The following LINGO2 variants were observed in gnomAD, a reference collection of about 807,000 sequenced individuals.
LINGO2 encodes leucine rich repeat and Ig domain containing 2.
LINGO2 carries 14 observed loss-of-function variants against 30.6 expected under a neutral mutation model. The observed-to-expected ratio is 0.46, with a 90% CI of 0.30 to 0.72. The LOEUF (loss-of-function observed/expected upper bound fraction) is 0.72. Ranked by LOEUF, LINGO2 falls within the 30% of genes least tolerant of loss-of-function variation. LINGO2 has a pLI of 0.07. For missense variants in LINGO2, 729 were observed against 751.7 expected (o/e 0.97, Z 0.35); for synonymous variants, 317 against 288.5 (o/e 1.10, Z -1.00).
At chr9:28,326,070 G>C (rs112897102) in intron 3 of LINGO2, among the ~76,000 whole-genome samples, 58 of 152,250 alleles carry the variant, frequency 3.8e-4, no homozygotes, top group Non-Finnish European at 8.2e-4. Flanking sequence ...GCAGTGGCGT[G>C]ATCTTGGCTC....
intron 4 of LINGO2, among the ~76,000 whole-genome samples, chr9:28,110,469 T>C (rs914325772): frequency 2.6e-5 from 4 of 152,158 alleles, no homozygotes; most frequent in Non-Finnish European, 5.9e-5. Context: ...ACCTACAGAA[T>C]GGGATAAAAG....
At chr9:29,063,406 CTTTTTTT>C in the LINGO2 span, among the ~76,000 whole-genome samples, 21 of 142,754 alleles carry the variant, frequency 1.5e-4, no homozygotes, top group Admixed American at 1.5e-3. Context: ...CTATTTACAC[CTTTTTTT>C]TTTTTTTTGA....
intron 1 of LINGO2, among the ~76,000 whole-genome samples, chr9:28,605,585 C>T (rs1173722111): frequency 6.6e-6 from 1 of 152,006 alleles, no homozygotes; most frequent in Non-Finnish European, 1.5e-5. Flanking sequence ...TCTTGTAACA[C>T]CAAGTAACAA....
At chr9:28,588,459 C>T (rs988611399) in intron 1 of LINGO2, among the ~76,000 whole-genome samples, 4 of 151,824 alleles carry the variant, frequency 2.6e-5, no homozygotes, top group Non-Finnish European at 1.5e-5. Flanking sequence ...AATTATAAGA[C>T]ATGAAGTCCT....
At chr9:28,788,294 GA>G in the LINGO2 span, among the ~76,000 whole-genome samples, 8 of 152,300 alleles carry the variant, frequency 5.3e-5, no homozygotes, top group African/African-American at 1.4e-4. Flanking sequence ...AACTGTGTCA[GA>G]AGGGTTTCAG....
the LINGO2 span, among the ~76,000 whole-genome samples, chr9:29,021,668 G>T: frequency 7.7e-6 from 1 of 129,512 alleles, no homozygotes; most frequent in Non-Finnish European, 1.6e-5. Flanking sequence ...AAAAAAGAAA[G>T]AAGAAAGAAA....
intron 1 of LINGO2, among the ~76,000 whole-genome samples, chr9:28,617,027 C>T (rs1826159928): frequency 6.6e-6 from 1 of 152,050 alleles, no homozygotes; most frequent in South Asian, 2.1e-4. Flanking sequence ...TTTATGGCAA[C>T]AAAGTATTTA....
chr9:28,046,125 C>G (rs1824410922), intron 4 of LINGO2, among the ~76,000 whole-genome samples: 1 of 152,122 alleles, frequency 6.6e-6, no homozygotes, highest in African/African-American at 2.4e-5. Context: ...CATTATGAAG[C>G]CATTTATTGG....
intron 2 of LINGO2, among the ~76,000 whole-genome samples, chr9:28,449,216 G>C (rs1564206138): frequency 6.6e-6 from 1 of 152,014 alleles, no homozygotes; most frequent in Non-Finnish European, 1.5e-5. Context: ...TGCACTAGCT[G>C]TCTCCACTGT....
intron 1 of LINGO2, among the ~76,000 whole-genome samples, chr9:28,484,968 C>T (rs1427269743): frequency 6.6e-6 from 1 of 152,080 alleles, no homozygotes; most frequent in African/African-American, 2.4e-5. Context: ...ACATCTAGGT[C>T]ATGACTCTCC....
intron 1 of LINGO2, among the ~76,000 whole-genome samples, chr9:28,621,551 A>G (rs1005167956): frequency 6.6e-6 from 1 of 151,968 alleles, no homozygotes; most frequent in Admixed American, 6.6e-5. Flanking sequence ...ATATAAATAG[A>G]ATATACTCAT....
chr9:28,519,375 C>G (rs892253841), intron 1 of LINGO2, among the ~76,000 whole-genome samples: 2 of 152,042 alleles, frequency 1.3e-5, no homozygotes, highest in Non-Finnish European at 2.9e-5. Flanking sequence ...GTCTTCATCT[C>G]TTAAATAAGT....
chr9:28,921,934 C>G, the LINGO2 span, among the ~76,000 whole-genome samples: 3 of 152,140 alleles, frequency 2.0e-5, no homozygotes, highest in Non-Finnish European at 2.9e-5. Context: ...TGCTGCACAC[C>G]TTAGCTAAAA....
chr9:29,024,491 T>C, the LINGO2 span, among the ~76,000 whole-genome samples: 1 of 152,134 alleles, frequency 6.6e-6, no homozygotes, highest in African/African-American at 2.4e-5. Flanking sequence ...CCATTCAAGT[T>C]ACTGCTAATT....
At chr9:28,689,675 A>G in the LINGO2 span, among the ~76,000 whole-genome samples, 2 of 152,126 alleles carry the variant, frequency 1.3e-5, no homozygotes, top group East Asian at 3.9e-4. Context: ...AGAGGTAGAA[A>G]TGTCATCTGA....
At position 28,043,179 on chromosome 9, in the gene LINGO2, T is replaced by C. The variant is rs186531385; in HGVS notation, c.-86-30774A>G. 2.0e-5 allele frequency among the ~76,000 whole-genome samples: 3 copies of C among 152,122 alleles called. No individual in the cohort carries two copies. The East Asian group carries it at 5.8e-4, about 30-fold the overall frequency. The stretch of plus-strand genomic sequence containing the variant: ...TGTGTGCCTCCTCGGCATTTGAAGC[T>C]AGCACTAATTTTCAAATTTCCGTCC... On this transcript the variant is annotated intron_variant, in intron 4 of 5. Coordinates refer to ENST00000379992, the Ensembl canonical transcript of LINGO2.
At chr9:28,377,091 T>G (rs79496035) in intron 2 of LINGO2, among the ~76,000 whole-genome samples, 4,753 of 151,238 alleles carry the variant, frequency 0.031, 102 homozygotes, top group Non-Finnish European at 0.046. Context: ...AATATTATAT[T>G]AAAATACAGT....
chr9:28,183,824 A>G (rs1198029507), intron 4 of LINGO2, among the ~76,000 whole-genome samples: 3 of 152,224 alleles, frequency 2.0e-5, no homozygotes, highest in African/African-American at 4.8e-5. Flanking sequence ...CTAAGGCCCA[A>G]GAAGACAAGG....
chr9:29,145,315 T>C, the LINGO2 span, among the ~76,000 whole-genome samples: 22 of 152,154 alleles, frequency 1.4e-4, no homozygotes, highest in African/African-American at 5.3e-4. Context: ...CTAGAGATAG[T>C]TTGTTTTTTC....
Sources: allele counts gnomAD v4.1 joint callset (sites outside exome capture counted in the v4.1 genomes callset), GRCh38; gene constraint gnomAD v4.1.1; transcripts MANE v1.5; gene names NCBI Gene and HGNC (gene_info 2026-07-23, HGNC 2026-07-21).